The following CDKL4 variants were observed in gnomAD, a reference collection of about 807,000 sequenced individuals.
CDKL4 encodes cyclin dependent kinase like 4, also known as cyclin-dependent kinase-like 4.
A neutral mutation model predicts 42.0 loss-of-function variants in CDKL4; 44 were observed. The ratio of observed to expected loss-of-function variants is 1.05; its 90% confidence interval spans 0.82 to 1.35. The LOEUF is 1.35. Among genes scored for constraint, CDKL4 ranks in the 40% most tolerant of loss-of-function variants. CDKL4 has a pLI of 0.00. For synonymous variants in CDKL4, 120 were observed against 121.6 expected, an observed-to-expected ratio of 0.99 and a Z score of 0.09; for missense variants, 393 against 369.9, an observed-to-expected ratio of 1.06 and a Z score of -0.51.
exon 3 of CDKL4, chr2:39,225,904 T>A: frequency 6.2e-7 from 1 of 1,612,030 alleles, no homozygotes; most frequent in South Asian, 1.1e-5. Context: ...CTAAATGCAT[T>A]TTCCTTTTTC....
At chr2:39,180,941 G>T (rs568828095) in intron 8 of CDKL4, among the ~76,000 whole-genome samples, 1 of 152,064 alleles carries the variant, frequency 6.6e-6, no homozygotes, top group Non-Finnish European at 1.5e-5. Flanking sequence ...TGCCCACCTC[G>T]GCCTCCCAGT....
chr2:39,237,048 A>G (rs541253448), intron 1 of CDKL4, among the ~76,000 whole-genome samples: 1 of 152,358 alleles, frequency 6.6e-6, no homozygotes, highest in South Asian at 2.1e-4. Context: ...TATGTGGCCA[A>G]TATCACCCTG....
Position 39,179,331 on chromosome 2 carries a change from A to C in CDKL4, c.793-10T>G. The C allele has an allele frequency of 6.3e-7, 1 of 1,581,898 alleles. No individual in the cohort carries two copies. The highest frequency in any genetic ancestry group is 8.5e-7 in the Non-Finnish European group (1 of 1,169,760). ...TCATCTTCAGACACCCCTTTGGAGG[A>C]AGAGAATAGCAAAGAAGATGTTAAG... is the stretch of plus-strand genomic sequence containing the variant. On this transcript the variant is annotated splice_polypyrimidine_tract_variant and intron_variant, in intron 8 of 9. Coordinates refer to ENST00000451199, the Ensembl canonical transcript of CDKL4.
exon 10 of CDKL4, chr2:39,175,971 C>G (rs1464354709): frequency 2.1e-6 from 1 of 466,288 alleles, no homozygotes; most frequent in East Asian, 7.0e-5. Flanking sequence ...TATTAAATTA[C>G]TTTGCACTTG....
At chr2:39,235,113 A>G (rs1435586520) in intron 1 of CDKL4, among the ~76,000 whole-genome samples, 1 of 152,010 alleles carries the variant, frequency 6.6e-6, no homozygotes, top group Non-Finnish European at 1.5e-5. Context: ...CCTGGGCTAA[A>G]TCGATTTTCC....
rs1491104422 is a variant in CDKL4, at chr2:39,233,898, A to AT, written c.-56-4311_-56-4310insA. On this transcript the variant is annotated intron_variant, in intron 1 of 9. Transcript: ENST00000451199. ...TAAGAAGATATATATATATATATATAAATTTTATTTTTACTTTTTTTTTTT... is the reference window on the plus strand; with the variant it reads ...TAAGAAGATATATATATATATATATATAATTTTATTTTTACTTTTTTTTTTT... Among the ~76,000 whole-genome samples the AT allele has an allele frequency of 2.1e-3, 295 of 141,982 alleles. 1 individual carries two copies. The highest frequency in any genetic ancestry group is 7.0e-3 in the African/African-American group (275 of 39,138). 93.1% of individuals were successfully genotyped at this position (141,982 alleles called of 152,430 possible).
chr2:39,186,601 G>C (rs991855361), intron 7 of CDKL4, among the ~76,000 whole-genome samples: 4 of 152,212 alleles, frequency 2.6e-5, no homozygotes, highest in Non-Finnish European at 4.4e-5. Context: ...CATTGCAAGA[G>C]TAGAGAGATG....
intron 5 of CDKL4, among the ~76,000 whole-genome samples, chr2:39,193,619 C>T (rs1431677718): frequency 6.6e-6 from 1 of 152,152 alleles, no homozygotes; most frequent in Non-Finnish European, 1.5e-5. Flanking sequence ...AGGTGATCTG[C>T]CTGCCTTGGC....
At chr2:39,192,588 G>C (rs1676257686) in intron 5 of CDKL4, among the ~76,000 whole-genome samples, 1 of 147,624 alleles carries the variant, frequency 6.8e-6, no homozygotes, top group East Asian at 2.0e-4. Context: ...GCTCAGGCCT[G>C]TACAAGTACT....
chr2:39,208,770 CTT>C (rs1309010127), intron 4 of CDKL4, among the ~76,000 whole-genome samples: 1 of 144,500 alleles, frequency 6.9e-6, no homozygotes, highest in Admixed American at 7.1e-5. Context: ...TTAAAACTGA[CTT>C]TTAACTTTAA....
At chr2:39,233,908 T>G (rs1679220583) in intron 1 of CDKL4, among the ~76,000 whole-genome samples, 1 of 125,946 alleles carries the variant, frequency 7.9e-6, no homozygotes. Context: ...AAATTTTATT[T>G]TTACTTTTTT....
intron 3 of CDKL4, among the ~76,000 whole-genome samples, chr2:39,213,886 CTT>C (rs924791287): frequency 6.7e-6 from 1 of 149,126 alleles, no homozygotes; most frequent in Non-Finnish European, 1.5e-5. Flanking sequence ...TCTCTCTGTA[CTT>C]TTTTTGTTTT....
At chr2:39,213,728 T>TAAAGGAATAAAAAAAAGAAAAGG (rs1677731592) in intron 3 of CDKL4, among the ~76,000 whole-genome samples, 1 of 150,382 alleles carries the variant, frequency 6.6e-6, no homozygotes, top group African/African-American at 2.5e-5. Context: ...TATAGAAAAG[T>TAAAGGAATAAAAAAAAGAAAAGG]AAAGGAATAA....
intron 1 of CDKL4, among the ~76,000 whole-genome samples, chr2:39,235,661 G>A (rs1484036380): frequency 6.6e-6 from 1 of 152,098 alleles, no homozygotes; most frequent in Non-Finnish European, 1.5e-5. Context: ...GCAGAAGGAT[G>A]GTTTGAGCCT....
intron 8 of CDKL4, among the ~76,000 whole-genome samples, chr2:39,179,745 G>C (rs1675331886): frequency 6.6e-6 from 1 of 152,200 alleles, no homozygotes; most frequent in African/African-American, 2.4e-5. Context: ...GGGCCCGGCA[G>C]TTTGTGTTTA....
intron 6 of CDKL4, 93 bp downstream of exon 6, chr2:39,190,212 G>A (rs1676094325): frequency 1.1e-6 from 1 of 918,234 alleles, no homozygotes; most frequent in South Asian, 2.5e-5. Flanking sequence ...TAAAACTCTT[G>A]TTTTTTATTT....
intron 1 of CDKL4, among the ~76,000 whole-genome samples, 172 bp from the exon 2 acceptor site, chr2:39,229,760 C>T (rs1056962851): frequency 1.3e-5 from 2 of 152,226 alleles, no homozygotes; most frequent in African/African-American, 4.8e-5. Flanking sequence ...CTCTGCAGCT[C>T]TTCCAGCTAT....
chr2:39,170,786 A>G (rs1054419380), downstream of CDKL4, among the ~76,000 whole-genome samples: 3 of 152,120 alleles, frequency 2.0e-5, no homozygotes, highest in Admixed American at 6.6e-5. Context: ...AATGTTTGCA[A>G]AATTTTAAGA....
At chr2:39,183,110 T>C (rs962204602) in intron 8 of CDKL4, among the ~76,000 whole-genome samples, 2 of 152,142 alleles carry the variant, frequency 1.3e-5, no homozygotes, top group African/African-American at 4.8e-5. Flanking sequence ...TGAAACCCTG[T>C]CTCTACTAAA....
Sources: allele counts gnomAD v4.1 joint callset (sites outside exome capture counted in the v4.1 genomes callset), GRCh38; gene constraint gnomAD v4.1.1; transcripts MANE v1.5; gene names NCBI Gene and HGNC (gene_info 2026-07-23, HGNC 2026-07-21).